Variants in ZNF648 observed in about 807,000 individuals in gnomAD.
ZNF648 encodes zinc finger protein 648.
ZNF648 carries 1 observed loss-of-function variant against 0.3 expected under a neutral mutation model. That is an observed-to-expected ratio of 3.90 (90% CI 1.39 to 18.51). The LOEUF (loss-of-function observed/expected upper bound fraction) is 18.51. Ranked by LOEUF, ZNF648 falls within the 30% of genes most tolerant of loss-of-function variation. The pLI is 0.11. For missense variants in ZNF648, 874 were observed against 769.7 expected (o/e 1.14, Z -1.60); for synonymous variants, 376 against 326.8 (o/e 1.15, Z -1.62).
rs1026086954 is a variant in ZNF648 at position 182,057,297 on chromosome 1, G to T, written c.714C>A (p.Gly238=). ...RNSRKVQNQA[G]RREGGEAEAR... ...CCTCAGCCTCTCCGCCCTCGCGCCGGCCCGCCTGGTTCTGTACTTTCCTGC... is the reference window on the plus strand; with the variant it reads ...CCTCAGCCTCTCCGCCCTCGCGCCGTCCCGCCTGGTTCTGTACTTTCCTGC... Residue 238 remains glycine (G), a synonymous_variant, in exon 2 of 2, where the codon GGC becomes GGA. Coordinates refer to ENST00000339948, the MANE Select transcript of ZNF648 (RefSeq NM_001009992.1). The T allele has an allele frequency of 6.3e-7, 1 of 1,599,482 alleles. No individual in the cohort carries two copies. The highest frequency in any genetic ancestry group is 1.3e-5 in the African/African-American group (1 of 74,938).
At chr1:182,068,302 C>G in the ZNF648 span, 1 of 152,192 alleles carries the variant, frequency 6.6e-6, no homozygotes, top group Non-Finnish European at 1.5e-5. Flanking sequence ...TTTGTTCGAT[C>G]ATTCATTTAC....
At chr1:182,058,815 T>C (rs1198790625) in intron 1 of ZNF648, among the ~76,000 whole-genome samples, 1 of 152,156 alleles carries the variant, frequency 6.6e-6, no homozygotes, top group African/African-American at 2.4e-5. Flanking sequence ...TTACATTTTA[T>C]GTCTCATTTT....
chr1:182,066,896 C>G, the ZNF648 span, among the ~76,000 whole-genome samples: 3 of 152,162 alleles, frequency 2.0e-5, no homozygotes, highest in South Asian at 6.2e-4. Context: ...AATGCTAGCC[C>G]TTAATTACTC....
chr1:182,066,699 C>T (rs1276187243), upstream of ZNF648, among the ~76,000 whole-genome samples: 9 of 152,170 alleles, frequency 5.9e-5, no homozygotes, highest in Non-Finnish European at 1.2e-4. Flanking sequence ...TCATGCTCCT[C>T]ACCCATAAAA....
chr1:182,056,622 G>A lies in ZNF648; in HGVS notation c.1389C>T (p.Leu463=), dbSNP rs1665916739. The A allele has an allele frequency of 1.2e-6, 2 of 1,611,916 alleles. No individual in the cohort carries two copies. The highest frequency in any genetic ancestry group is 2.2e-5 in the East Asian group (1 of 44,756). ...CGVAFAQPSR[L]VRHQRIHTGE... is the part of the protein sequence containing the mutation. ...CAGTGTGGATGCGCTGGTGGCGCAC[G>A]AGGCGCGAGGGCTGCGCGAAGGCCA... is the stretch of plus-strand genomic sequence containing the variant. The change falls in exon 2 of 2, where the codon CTC becomes CTT. Residue 463 remains leucine (L), a synonymous_variant. Transcript: ENST00000339948.
In ZNF648 at chr1:182,057,661, G is replaced by T; in HGVS notation, c.350C>A (p.Pro117Gln). ...GGAACCCAGAGCTCTGCTTGCTCCC[G>T]GGGAACCCTGGGTCTCGTTGATCTT... ...VTKINETQGSPGASRALGSLP... is the reference protein window; with the variant it reads ...VTKINETQGSQGASRALGSLP... The change falls in exon 2 of 2, where the codon CCG becomes CAG. Residue 117 changes from proline to glutamine, a missense_variant. Coordinates refer to ENST00000339948, the MANE Select transcript of ZNF648 (RefSeq NM_001009992.1). The T allele has an allele frequency of 6.2e-7, 1 of 1,614,168 alleles. No individual in the cohort carries two copies. Among genetic ancestry groups the T allele is most frequent in the Non-Finnish European group, 8.5e-7 (1 of 1,180,030 alleles).
Position 182,057,261 on chromosome 1 carries a change from G to GT in ZNF648, c.749dup (p.Tyr250Ter). ...REGGEAEARPYRCLRGGRAFQ... is the reference protein window; with the variant it reads ...REGGEAEARP ...AGGCCCGCCCGCCCCGCAGGCACCT[G>GT]TAGGGACGCGCCTCAGCCTCTCCGC... The change falls in exon 2 of 2, where the codon TAC (tyrosine) becomes TAAC (stop). Residue 250 changes from tyrosine to a stop codon, truncating the protein, a stop_gained and frameshift_variant. Coordinates refer to ENST00000339948, the MANE Select transcript of ZNF648 (RefSeq NM_001009992.1). LOFTEE classifies it low-confidence loss of function (END_TRUNC). 1 of 1,584,718 alleles carries GT rather than the reference G, an allele frequency of 6.3e-7. No homozygotes were observed.
Position 182,056,734 on chromosome 1 carries a change from C to A in ZNF648, c.1277G>T (p.Gly426Val), listed in dbSNP as rs1665920511. The change falls in exon 2 of 2, where the codon GGC (glycine) becomes GTC (valine). Residue 426 changes from glycine to valine, a missense_variant. By Grantham distance (109) the Gly-to-Val change is moderately radical. Coordinates refer to ENST00000339948, the MANE Select transcript of ZNF648 (RefSeq NM_001009992.1). Reference sequence around the variant, plus strand: ...ATTGGAGGACTTGGTGAAGCACTTGCCGCAGGTGGGGCAGGGGAAGGGCCG... The same window carrying A: ...ATTGGAGGACTTGGTGAAGCACTTGACGCAGGTGGGGCAGGGGAAGGGCCG... ...GERPFPCPTC[G>V]KCFTKSSNLS... 1 of 1,581,918 alleles carries A rather than the reference C, an allele frequency of 6.3e-7. No individual in the cohort carries two copies. The highest frequency in any genetic ancestry group is 8.6e-7 in the Non-Finnish European group (1 of 1,164,030).
Position 182,057,409 on chromosome 1 carries a change from A to G in ZNF648, c.602T>C (p.Leu201Pro). ...TGGTGTATGTGTCTCTTGCGTGGGAAGGTCCCAGTTGCTCCCCGGCCTGGG... is the reference window on the plus strand; with the variant it reads ...TGGTGTATGTGTCTCTTGCGTGGGAGGGTCCCAGTTGCTCCCCGGCCTGGG... Reference protein sequence around the residue: ...CFPRPGSNWDLPTQETHTPAQ... With the variant: ...CFPRPGSNWDPPTQETHTPAQ... Residue 201 changes from leucine to proline, a missense_variant, in exon 2 of 2, where the codon CTT (leucine) becomes CCT (proline). Transcript: ENST00000339948. The G allele has an allele frequency of 6.2e-7, 1 of 1,614,016 alleles. No individual in the cohort carries two copies. Among genetic ancestry groups the G allele is most frequent in the South Asian group, 1.1e-5 (1 of 91,088 alleles).
chr1:182,059,384 T>C (rs1239165929), intron 1 of ZNF648, among the ~76,000 whole-genome samples: 1 of 152,192 alleles, frequency 6.6e-6, no homozygotes, highest in Non-Finnish European at 1.5e-5. Context: ...AAGGATTGGA[T>C]GAGTGACAGA....
At position 182,057,278 on chromosome 1, in the gene ZNF648, C is replaced by T. The variant is rs569718755; in HGVS notation, c.733G>A (p.Ala245Thr). The T allele has an allele frequency of 5.7e-6, 9 of 1,592,562 alleles. No individual in the cohort carries two copies. The African/African-American group carries it at 1.1e-4, about 19-fold the overall frequency. Residue 245 changes from alanine (A) to threonine (T), a missense_variant, in exon 2 of 2, where the codon GCT (alanine) becomes ACT (threonine). Physicochemically the swap from Ala to Thr is moderately conservative, Grantham distance 58 (BLOSUM62 0). Coordinates refer to ENST00000339948, the MANE Select transcript of ZNF648 (RefSeq NM_001009992.1). ...NQAGRREGGE[A>T]EARPYRCLRG... ...AGGCACCTGTAGGGACGCGCCTCAG[C>T]CTCTCCGCCCTCGCGCCGGCCCGCC...
Position 182,061,054 on chromosome 1 carries a change from A to G in ZNF648, c.-64+514T>C, listed in dbSNP as rs559657664. Among the ~76,000 whole-genome samples the G allele has an allele frequency of 5.0e-4, 76 of 152,290 alleles. No homozygotes were observed. In the Middle Eastern group the frequency reaches 0.01, roughly 20 times the overall value. On this transcript the variant is annotated intron_variant, in intron 1 of 1. Coordinates refer to ENST00000339948, the MANE Select transcript of ZNF648 (RefSeq NM_001009992.1). ...GAGCCCGTCAGGAGACTCTCTTTTC[A>G]GATGAGGTATCCCTCCTCCATCTGA...
At chr1:182,063,863 C>T (rs1236862143), upstream of ZNF648, 2 of 152,100 alleles carry the variant, frequency 1.3e-5, no homozygotes, top group Non-Finnish European at 1.5e-5. Flanking sequence ...TTTAATTCAT[C>T]TAGTGTTAAT....
In ZNF648 at chr1:182,057,956, A is replaced by G; in HGVS notation, c.55T>C (p.Leu19=). 6.2e-7 allele frequency: 1 copy of G among 1,613,862 alleles called. No homozygotes were observed. Among genetic ancestry groups the G allele is most frequent in the Non-Finnish European group, 8.5e-7 (1 of 1,179,950 alleles). The stretch of plus-strand genomic sequence containing the variant: ...TGGGTGTCATGAGCTTCCTCAGTCA[A>G]GCTGCTGAGAGGAGACGCCTCTCCC... ...RWGEASPLSS[L]TEEAHDTQML... The change falls in exon 2 of 2, where the codon TTG becomes CTG. Residue 19 remains leucine, a synonymous_variant. Coordinates refer to ENST00000339948, the MANE Select transcript of ZNF648 (RefSeq NM_001009992.1).
At position 182,057,961 on chromosome 1, in the gene ZNF648, C is replaced by G; in HGVS notation, c.50G>C (p.Ser17Thr). Residue 17 changes from serine (S) to threonine (T), a missense_variant, in exon 2 of 2, where the codon AGC (serine) becomes ACC (threonine). Coordinates refer to ENST00000339948, the MANE Select transcript of ZNF648 (RefSeq NM_001009992.1). The stretch of plus-strand genomic sequence containing the variant: ...GTCATGAGCTTCCTCAGTCAAGCTG[C>G]TGAGAGGAGACGCCTCTCCCCACCT... ...QDRWGEASPL[S>T]SLTEEAHDTQ... 1.9e-6 allele frequency: 3 copies of G among 1,613,734 alleles called. No individual in the cohort carries two copies. The highest frequency in any genetic ancestry group is 2.5e-6 in the Non-Finnish European group (3 of 1,179,844).
In ZNF648 at chr1:182,058,031, G is replaced by T. The variant is rs1325338761; in HGVS notation, c.-21C>A. The T allele has an allele frequency of 6.3e-7, 1 of 1,577,578 alleles. No individual in the cohort carries two copies. Among genetic ancestry groups the T allele is most frequent in the South Asian group, 1.2e-5 (1 of 84,124 alleles). On this transcript the variant is annotated 5_prime_UTR_variant, in exon 2 of 2. Coordinates refer to ENST00000339948, the MANE Select transcript of ZNF648 (RefSeq NM_001009992.1). ...GCCATGATGTTCAGGCGCTTCTATT[G>T]CCTACTCCTCTGAGGAGGAGTATCC...
rs56693693 is a variant in ZNF648, at chr1:182,056,874, C to G, written c.1137G>C (p.Leu379=). Reference sequence around the variant, plus strand: ...CCAGGTGCGTGCGCTGGTGGCGCAGCAGCGACAGCGGCTTGTTGAAGGTCA... The same window carrying G: ...CCAGGTGCGTGCGCTGGTGGCGCAGGAGCGACAGCGGCTTGTTGAAGGTCA... ...CGLTFNKPLS[L]LRHQRTHLGA... The change falls in exon 2 of 2, where the codon CTG becomes CTC. Residue 379 remains leucine, a synonymous_variant. Coordinates refer to ENST00000339948, the MANE Select transcript of ZNF648 (RefSeq NM_001009992.1). 4 of 1,573,990 alleles carry G rather than the reference C, an allele frequency of 2.5e-6. No homozygotes were observed. The highest frequency in any genetic ancestry group is 3.4e-6 in the Non-Finnish European group (4 of 1,159,898).
At chr1:182,063,975 C>T (rs1230344498), upstream of ZNF648, 1 of 152,142 alleles carries the variant, frequency 6.6e-6, no homozygotes, top group African/African-American at 2.4e-5. Flanking sequence ...TTCCCCATTG[C>T]TTGTTTTTGT....
At position 182,057,275 on chromosome 1, in the gene ZNF648, C is replaced by T; in HGVS notation, c.736G>A (p.Glu246Lys). Residue 246 changes from glutamate to lysine, a missense_variant, in exon 2 of 2, where the codon GAG becomes AAG. Physicochemically the swap from Glu to Lys is moderately conservative, Grantham distance 56. Coordinates refer to ENST00000339948, the MANE Select transcript of ZNF648 (RefSeq NM_001009992.1). ...CGCAGGCACCTGTAGGGACGCGCCTCAGCCTCTCCGCCCTCGCGCCGGCCC... is the reference window on the plus strand; with the variant it reads ...CGCAGGCACCTGTAGGGACGCGCCTTAGCCTCTCCGCCCTCGCGCCGGCCC... ...QAGRREGGEAEARPYRCLRGG... is the reference protein window; with the variant it reads ...QAGRREGGEAKARPYRCLRGG... 6.3e-7 allele frequency: 1 copy of T among 1,591,580 alleles called. No homozygotes were observed. Among genetic ancestry groups the T allele is most frequent in the East Asian group, 2.3e-5 (1 of 44,226 alleles).
Sources: gnomAD v4.1 joint callset for allele counts (sites outside exome capture counted in the v4.1 genomes callset) on GRCh38, gnomAD v4.1.1 for gene constraint, MANE v1.5 for transcripts, NCBI Gene and HGNC (gene_info 2026-07-23, HGNC 2026-07-21) for gene names.